The following DKC1 variants were observed in gnomAD, a reference collection of about 807,000 sequenced individuals.
DKC1 encodes H/ACA ribonucleoprotein complex subunit DKC1.
Under a neutral mutation model 46.7 loss-of-function variants are expected in DKC1, and 4 were observed. That is an observed-to-expected ratio of 0.09 (90% CI 0.04 to 0.20). DKC1 has a LOEUF of 0.20. Among genes scored for constraint, DKC1 ranks in the 10% least tolerant of loss-of-function variants. DKC1 has a pLI of 1.00. For synonymous variants in DKC1, 141 were observed against 142.4 expected (o/e 0.99, Z 0.07); for missense variants, 171 against 404.2 (o/e 0.42, Z 4.95).
At chrX:154,765,781 C>G (rs1256112294) in intron 3 of DKC1, 126 bp from the exon 4 acceptor site, 2 of 589,162 alleles carry the variant, frequency 3.4e-6, no homozygotes, top group Non-Finnish European at 5.9e-6. Flanking sequence ...CAACAGTTCT[C>G]AGTTTTTGTA....
intron 13 of DKC1, 36 bp from the exon 14 acceptor site, chrX:154,776,151 C>T (rs185367374): frequency 8.3e-6 from 10 of 1,208,913 alleles, no homozygotes; most frequent in African/African-American, 3.5e-5. Context: ...CATTATTGCC[C>T]AAGATCTAAC....
chrX:154,769,159 C>T lies in DKC1; in HGVS notation c.772-8C>T. 8.3e-7 allele frequency: 1 copy of T among 1,210,765 alleles called. No homozygotes were observed. Among genetic ancestry groups the T allele is most frequent in the South Asian group, 1.8e-5 (1 of 56,975 alleles). On this transcript the variant is annotated splice_polypyrimidine_tract_variant and splice_region_variant and intron_variant, in intron 8 of 14. Coordinates refer to ENST00000369550, the MANE Select transcript of DKC1 (RefSeq NM_001363.5). ...ACTGAATTATTTTCATACATGGCTG[C>T]TTTTCAGGACCACATGGTGACAATG...
intron 8 of DKC1, chrX:154,768,765 C>A: frequency 3.0e-6 from 1 of 329,447 alleles, no homozygotes; most frequent in Non-Finnish European, 5.5e-6. Context: ...GCGGGTGGAT[C>A]ATGAGGTCAG....
chrX:154,776,531 A>G (rs111605301), intron 14 of DKC1, among the ~76,000 whole-genome samples: 38 of 111,586 alleles, frequency 3.4e-4, no homozygotes, highest in African/African-American at 7.8e-4. Flanking sequence ...CCCGACCTCT[A>G]CCACTTATAC....
intron 3 of DKC1, 66 bp from the exon 4 acceptor site, chrX:154,765,841 C>T (rs2071738252): frequency 3.4e-6 from 3 of 879,856 alleles, no homozygotes; most frequent in African/African-American, 2.0e-5. Context: ...CATAGTGGTA[C>T]TGACTCTTTT....
chrX:154,770,993 A>C (rs1230443376), intron 10 of DKC1, 114 bp downstream of exon 10: 1 of 753,882 alleles, frequency 1.3e-6, no homozygotes, highest in African/African-American at 2.1e-5. Flanking sequence ...CATAATAATC[A>C]CATCATGGAG....
At chrX:154,768,638 A>G (rs1292952744) in intron 8 of DKC1, 4 of 544,892 alleles carry the variant, frequency 7.3e-6, no homozygotes, top group Non-Finnish European at 1.3e-5. Context: ...TATTCTATTC[A>G]TTTGCCTCCC....
intron 11 of DKC1, among the ~76,000 whole-genome samples, chrX:154,773,977 G>C (rs2071862946): frequency 8.9e-6 from 1 of 111,794 alleles, no homozygotes; most frequent in African/African-American, 3.3e-5. Context: ...CTCCTGCCAG[G>C]TTCTTTTGTT....
In DKC1 at chrX:154,771,187, GTTT is replaced by G. The variant is rs35962335; in HGVS notation, c.1036+328_1036+330del. ...ATTCTTTTGGTTTTTTGGTGGTGGT[GTTT>G]TTTTTTTTTTTTTTTTTTTGAGACA... On this transcript the variant is annotated intron_variant, in intron 10 of 14. Transcript: ENST00000369550. 6.1e-3 allele frequency among the ~76,000 whole-genome samples: 390 copies of G among 64,459 alleles called. 2 individuals are homozygous for G. Among genetic ancestry groups the G allele is most frequent in the African/African-American group, 0.024 (375 of 15,516 alleles). The allele number at this position is 64,459 out of a possible 115,157, so 56.0% of individuals were successfully genotyped here.
intron 1 of DKC1, among the ~76,000 whole-genome samples, chrX:154,763,899 G>A (rs1419186253): frequency 9.0e-6 from 1 of 111,629 alleles, no homozygotes; most frequent in Non-Finnish European, 1.9e-5. Flanking sequence ...GGCCGGGCGC[G>A]GTGGCTCAGG....
At chrX:154,773,839 G>A (rs1225155805) in intron 11 of DKC1, among the ~76,000 whole-genome samples, 8 of 110,520 alleles carry the variant, frequency 7.2e-5, no homozygotes, top group South Asian at 3.7e-4. Flanking sequence ...ACGGGGTGGC[G>A]GCCGGGCAGA....
chrX:154,776,270 G>A lies in DKC1; in HGVS notation c.1422G>A (p.Lys474=), dbSNP rs782379957. ...TCAAGAAGGAAAAGAAGAAGAGTAA[G>A]AAGGACAAGAAGGCCAAAGCTGGTC... ...QLIKKEKKKS[K]KDKKAKAGLE... Residue 474 remains lysine, a synonymous_variant, in exon 14 of 15, where the codon AAG becomes AAA. Transcript: ENST00000369550. 8.3e-7 allele frequency: 1 copy of A among 1,209,608 alleles called. No homozygotes were observed. The highest frequency in any genetic ancestry group is 1.8e-5 in the South Asian group (1 of 56,579).
chrX:154,765,307 CTT>C (rs1361825133), intron 2 of DKC1, 135 bp from the exon 3 acceptor site: 3 of 589,456 alleles, frequency 5.1e-6, no homozygotes, highest in Non-Finnish European at 9.0e-6. Flanking sequence ...TCTTCTCTCT[CTT>C]TCCCTTGGAG....
chrX:154,771,537 C>T (rs1011569417), intron 10 of DKC1, among the ~76,000 whole-genome samples: 62 of 107,682 alleles, frequency 5.8e-4, no homozygotes, highest in African/African-American at 2.0e-3. Context: ...GCCAGCCCCC[C>T]ACTACCCTCC....
chrX:154,766,753 A>G (rs1557264222), intron 5 of DKC1, among the ~76,000 whole-genome samples: 2 of 111,597 alleles, frequency 1.8e-5, no homozygotes, highest in African/African-American at 6.5e-5. Flanking sequence ...GGCTTTTTCC[A>G]CGCAGCTTCT....
In DKC1 at chrX:154,775,289, TC is replaced by T. The variant is rs782328669; in HGVS notation, c.1338+18del. Reference sequence around the variant, plus strand: ...AACTGCGAAGGTGAGTGGCATGCTGTCCTCAGTTTGGAATGTGCTTAGGGAG... The same window carrying T: ...AACTGCGAAGGTGAGTGGCATGCTGTCTCAGTTTGGAATGTGCTTAGGGAG... On this transcript the variant is annotated intron_variant, in intron 13 of 14. Transcript: ENST00000369550. 3 of 1,203,146 alleles carry T rather than the reference TC, an allele frequency of 2.5e-6. No homozygotes were observed. The highest frequency in any genetic ancestry group is 3.4e-6 in the Non-Finnish European group (3 of 888,184).
chrX:154,771,187 G>GTTTTTT (rs35962335), intron 10 of DKC1, among the ~76,000 whole-genome samples: 10 of 64,471 alleles, frequency 1.6e-4, no homozygotes, highest in East Asian at 4.7e-4. Flanking sequence ...TGGTGGTGGT[G>GTTTTTT]TTTTTTTTTT....
chrX:154,776,157 C>G, intron 13 of DKC1, 30 bp from the exon 14 acceptor site: 4 of 1,211,111 alleles, frequency 3.3e-6, no homozygotes, highest in Non-Finnish European at 4.5e-6. Context: ...TGCCCAAGAT[C>G]TAACACTTAA....
chrX:154,763,750 T>C (rs1422599433), intron 1 of DKC1, among the ~76,000 whole-genome samples: 2 of 112,430 alleles, frequency 1.8e-5, no homozygotes, highest in Non-Finnish European at 3.8e-5. Flanking sequence ...CTGTATATGG[T>C]GTAGCGTATG....
Sources: allele counts gnomAD v4.1 joint callset (sites outside exome capture counted in the v4.1 genomes callset), GRCh38; gene constraint gnomAD v4.1.1; transcripts MANE v1.5; gene names NCBI Gene and HGNC (gene_info 2026-07-23, HGNC 2026-07-21).